PRPF8: variants seen among roughly 807,000 people sequenced by gnomAD.
PRPF8 encodes the protein pre-mRNA processing factor 8.
PRPF8 carries 64 observed loss-of-function variants against 285.9 expected under a neutral mutation model. The observed-to-expected ratio is 0.22, with a 90% CI of 0.18 to 0.28. The LOEUF (loss-of-function observed/expected upper bound fraction) is 0.28, where lower values mean the gene tolerates loss of function less well. Ranked by LOEUF, PRPF8 falls within the 10% of genes least tolerant of loss-of-function variation. The pLI is 1.00. For synonymous variants in PRPF8, 1,325 were observed against 1,118.2 expected (o/e 1.18, Z -3.69); for missense variants, 1,426 against 3,026.7 (o/e 0.47, Z 12.41).
chr17:1,677,810 T>A (rs1912684931), intron 13 of PRPF8, 116 bp from the exon 14 acceptor site: 1 of 1,385,664 alleles, frequency 7.2e-7, no homozygotes, highest in Non-Finnish European at 1.0e-6. Context: ...AATGTAGGTA[T>A]GGCAGTAGAG....
rs767546091 is a variant in PRPF8, at chr17:1,675,173, G to A, written c.3039C>T (p.Asn1013=). ...GCACCTTATAGTTGATGACGACGTT[G>A]TTCTTGGCTGTCATGTAGTCGGCTA... ...HNIADYMTAK[N]NVVINYKDMN... Residue 1013 remains asparagine (N), a synonymous_variant, in exon 20 of 43, where the codon AAC becomes AAT. Coordinates refer to ENST00000304992, the MANE Select transcript of PRPF8 (RefSeq NM_006445.4). This position sits in a 1 kb window ranked among gnomAD's most constrained non-coding sequence, Gnocchi z 6.0. 5 of 1,613,944 alleles carry A rather than the reference G, an allele frequency of 3.1e-6. No individual in the cohort carries two copies. The East Asian group carries it at 8.9e-5, about 29-fold the overall frequency.
At position 1,681,020 on chromosome 17, in the gene PRPF8, T is replaced by A; in HGVS notation, c.901A>T (p.Lys301Ter). 6.2e-7 allele frequency: 1 copy of A among 1,613,226 alleles called. No homozygotes were observed. ...CGGATAGGCTGCCGGATGATAATCTTGTTAATATCATTGAATTCATTCCAG... is the reference window on the plus strand; with the variant it reads ...CGGATAGGCTGCCGGATGATAATCTAGTTAATATCATTGAATTCATTCCAG... ...EDWNEFNDIN[K>*]IIIRQPIRTE... The change falls in exon 7 of 43, where the codon AAG becomes TAG. Residue 301 changes from lysine to a stop codon, truncating the protein, a stop_gained. Coordinates refer to ENST00000304992, the MANE Select transcript of PRPF8 (RefSeq NM_006445.4). LOFTEE classifies it high-confidence loss of function.
In PRPF8 at chr17:1,659,960, T is replaced by C. The variant is rs1296990806; in HGVS notation, c.4827A>G (p.Val1609=). The change falls in exon 31 of 43, where the codon GTA becomes GTG. Residue 1609 remains valine (V), a synonymous_variant. Transcript: ENST00000304992. This position sits in a 1 kb window ranked among gnomAD's most constrained non-coding sequence, Gnocchi z 5.1. ...QELDALEIET[V]QKETIHPRKS... ...TTCGGGGATGGATTGTCTCCTTTTG[T>C]ACTGTCTCAATTTCCAGTGCATCAA... The C allele has an allele frequency of 3.7e-6, 6 of 1,614,034 alleles. No homozygotes were observed. The highest frequency in any genetic ancestry group is 5.1e-6 in the Non-Finnish European group (6 of 1,179,970).
At chr17:1,660,612 C>T in intron 29 of PRPF8, 34 bp from the exon 30 acceptor site, 1 of 1,614,184 alleles carries the variant, frequency 6.2e-7, no homozygotes, top group Non-Finnish European at 8.5e-7. Context: ...CATTAGAGAT[C>T]AAGAGACTCG....
At chr17:1,671,242 A>G (rs948415833) in intron 24 of PRPF8, among the ~76,000 whole-genome samples, 1 of 152,192 alleles carries the variant, frequency 6.6e-6, no homozygotes, top group Admixed American at 6.6e-5. Flanking sequence ...GGGCTAGAGC[A>G]ATCACTAACT....
chr17:1,673,629 A>T lies in PRPF8; in HGVS notation c.3447-62T>A. The stretch of plus-strand genomic sequence containing the variant: ...GGAAGGAACTTCCCTTCAAAGGCCA[A>T]CTGATGACATCCTGACACAGCCACG... On this transcript the variant is annotated intron_variant, in intron 22 of 42. Coordinates refer to ENST00000304992, the MANE Select transcript of PRPF8 (RefSeq NM_006445.4). The surrounding 1 kb of genome is among the most constrained non-coding windows in gnomAD (Gnocchi z 5.5). 3 of 1,611,798 alleles carry T rather than the reference A, an allele frequency of 1.9e-6. No individual in the cohort carries two copies. The highest frequency in any genetic ancestry group is 1.1e-5 in the South Asian group (1 of 91,008).
rs754104758 is a variant in PRPF8, at chr17:1,676,947, C to T, written c.2181+29G>A. The T allele has an allele frequency of 1.1e-5, 17 of 1,611,208 alleles. No individual in the cohort carries two copies. The highest frequency in any genetic ancestry group is 1.9e-4 in the Middle Eastern group (1 of 5,198). The stretch of plus-strand genomic sequence containing the variant: ...ATCCTACCCTAAAGACGGATGTTTA[C>T]GCCTCCAAGGAAATAAAGAGACACC... On this transcript the variant is annotated intron_variant, in intron 15 of 42. Coordinates refer to ENST00000304992, the MANE Select transcript of PRPF8 (RefSeq NM_006445.4). The surrounding 1 kb of genome is among the most constrained non-coding windows in gnomAD (Gnocchi z 6.3).
rs1912680098 is a variant in PRPF8 at position 1,677,756 on chromosome 17, C to T, written c.1855-62G>A. 2.8e-5 allele frequency: 45 copies of T among 1,607,742 alleles called. 1 individual carries two copies. The South Asian group carries it at 4.4e-4, about 16-fold the overall frequency. On this transcript the variant is annotated intron_variant, in intron 13 of 42. Coordinates refer to ENST00000304992, the MANE Select transcript of PRPF8 (RefSeq NM_006445.4). Reference sequence around the variant, plus strand: ...CAATGCATTTAAACAACAATAGAAACCTGGGCAGAGGTGGGGCATATATGT... The same window carrying T: ...CAATGCATTTAAACAACAATAGAAATCTGGGCAGAGGTGGGGCATATATGT...
chr17:1,667,447 C>T (rs565557133), intron 24 of PRPF8, among the ~76,000 whole-genome samples: 17 of 151,316 alleles, frequency 1.1e-4, no homozygotes, highest in African/African-American at 3.6e-4. Flanking sequence ...CTCAGGTCTA[C>T]GTGTACTAGG....
At position 1,651,060 on chromosome 17, in the gene PRPF8, A is replaced by G. The variant is rs779116842; in HGVS notation, c.6853+48T>C. The G allele has an allele frequency of 1.1e-4, 179 of 1,613,632 alleles. No individual in the cohort carries two copies. The highest frequency in any genetic ancestry group is 1.5e-4 in the Non-Finnish European group (174 of 1,179,700). ...CCCAAGTGCAAAGGGCGATGGCCTC[A>G]CCTTATCCCTACTGCTATCCCCACA... On this transcript the variant is annotated intron_variant, in intron 42 of 42. Transcript: ENST00000304992. This position sits in a 1 kb window ranked among gnomAD's most constrained non-coding sequence, Gnocchi z 5.1.
At chr17:1,678,319 CAA>C in intron 13 of PRPF8, 197 bp downstream of exon 13, 1 of 631,402 alleles carries the variant, frequency 1.6e-6, no homozygotes, top group Non-Finnish European at 2.7e-6. Flanking sequence ...AGTTTCAAAA[CAA>C]AACAAAAAAA....
At position 1,681,576 on chromosome 17, in the gene PRPF8, G is replaced by A. The variant is rs779532996; in HGVS notation, c.768C>T (p.Tyr256=). 1 of 1,613,886 alleles carries A rather than the reference G, an allele frequency of 6.2e-7. No homozygotes were observed. Among genetic ancestry groups the A allele is most frequent in the South Asian group, 1.1e-5 (1 of 91,072 alleles). ...TAAAGAAGGCCTTCAAATCAAACAG[G>A]TAGAAGTAGTTGTCATCCACCAAGT... ...LTDLVDDNYF[Y]LFDLKAFFTS... is the part of the protein sequence containing the mutation. The change falls in exon 6 of 43, where the codon TAC becomes TAT. Residue 256 remains tyrosine, a synonymous_variant. Coordinates refer to ENST00000304992, the MANE Select transcript of PRPF8 (RefSeq NM_006445.4).
chr17:1,654,090 A>G, intron 37 of PRPF8, 74 bp from the exon 38 acceptor site: 4 of 1,609,808 alleles, frequency 2.5e-6, no homozygotes, highest in Non-Finnish European at 2.5e-6. Context: ...GAAAGGGTGT[A>G]ACTTGGTAGG....
chr17:1,674,146 C>T (rs544463125), intron 21 of PRPF8, among the ~76,000 whole-genome samples: 7 of 152,330 alleles, frequency 4.6e-5, no homozygotes, highest in East Asian at 1.9e-4. Context: ...CCTCAGCCTC[C>T]GGAGTAGCTG....
chr17:1,653,665 G>A lies in PRPF8; in HGVS notation c.6246C>T (p.Asn2082=). The part of the protein sequence containing the change: ...EWRVRAISAA[N]LHLRTNHIYV... Reference sequence around the variant, plus strand: ...AGATGTGATTGGTCCTTAGGTGCAGGTTGGCAGCAGAGATGGCCCTAAAAA... The same window carrying A: ...AGATGTGATTGGTCCTTAGGTGCAGATTGGCAGCAGAGATGGCCCTAAAAA... The change falls in exon 39 of 43, where the codon AAC becomes AAT. Residue 2082 remains asparagine, a synonymous_variant. Coordinates refer to ENST00000304992, the MANE Select transcript of PRPF8 (RefSeq NM_006445.4). This position sits in a 1 kb window ranked among gnomAD's most constrained non-coding sequence, Gnocchi z 4.9. The A allele has an allele frequency of 6.2e-7, 1 of 1,614,180 alleles. No homozygotes were observed. The highest frequency in any genetic ancestry group is 1.3e-5 in the African/African-American group (1 of 75,038).
chr17:1,683,470 G>A (rs1186993489), intron 3 of PRPF8, 63 bp downstream of exon 3: 4 of 1,563,944 alleles, frequency 2.6e-6, no homozygotes, highest in East Asian at 2.2e-5. Flanking sequence ...ATCCAAGACT[G>A]TGGGACAGGG....
At chr17:1,654,758 G>A (rs1911264985) in intron 37 of PRPF8, 2 of 161,620 alleles carry the variant, frequency 1.2e-5, no homozygotes, top group South Asian at 1.6e-4. Context: ...CAGCCTCCAA[G>A]AAGCTGGGAC....
rs141105551 is a variant in PRPF8, at chr17:1,675,474, G to A, written c.2873-135C>T. The A allele has an allele frequency of 5.7e-3, 8,248 of 1,445,344 alleles. 42 individuals are homozygous for A. Among genetic ancestry groups the A allele is most frequent in the Non-Finnish European group, 5.8e-3 (6,035 of 1,031,654 alleles). The allele number at this position is 1,445,344 out of a possible 1,614,324, so 89.5% of individuals were successfully genotyped here. ...TTCATTTGGATTGCTTTGACTATGGGCTTTTCCTCAGTTTAACACGAACAC... is the reference window on the plus strand; with the variant it reads ...TTCATTTGGATTGCTTTGACTATGGACTTTTCCTCAGTTTAACACGAACAC... On this transcript the variant is annotated intron_variant, in intron 19 of 42. Coordinates refer to ENST00000304992, the MANE Select transcript of PRPF8 (RefSeq NM_006445.4). The surrounding 1 kb of genome is among the most constrained non-coding windows in gnomAD (Gnocchi z 6.0).
At chr17:1,674,321 C>T (rs187887085) in intron 21 of PRPF8, 121 bp downstream of exon 21, 8 of 1,060,548 alleles carry the variant, frequency 7.5e-6, no homozygotes, top group East Asian at 4.7e-5. Flanking sequence ...CGCACCCGGC[C>T]GCTTCATTCC....
Sources: gnomAD v4.1 joint callset for allele counts (sites outside exome capture counted in the v4.1 genomes callset) on GRCh38, gnomAD v4.1.1 for gene constraint, Gnocchi (gnomAD v3.1) non-coding constraint, MANE v1.5 for transcripts, NCBI Gene and HGNC (gene_info 2026-07-23, HGNC 2026-07-21) for gene names.